Variants in DIAPH2 observed in about 807,000 individuals in gnomAD.
DIAPH2 encodes the protein protein diaphanous homolog 2.
DIAPH2 carries 35 observed loss-of-function variants against 92.7 expected under a neutral mutation model. The observed-to-expected ratio is 0.38, with a 90% CI of 0.29 to 0.50. DIAPH2 has a LOEUF of 0.50. DIAPH2 is among the 20% of genes least tolerant of loss of function. The pLI, the probability that DIAPH2 is intolerant of heterozygous loss-of-function variation, is 0.94. For synonymous variants in DIAPH2, 301 were observed against 280.4 expected, an observed-to-expected ratio of 1.07 and a Z score of -0.73; for missense variants, 701 against 819.5, an observed-to-expected ratio of 0.86 and a Z score of 1.77.
intron 26 of DIAPH2, among the ~76,000 whole-genome samples, chrX:97,546,426 C>G (rs2071181837): frequency 8.9e-6 from 1 of 111,746 alleles, no homozygotes; most frequent in Non-Finnish European, 1.9e-5. Context: ...TTTTTCCCCT[C>G]CACTCTTTTT....
intron 26 of DIAPH2, among the ~76,000 whole-genome samples, chrX:97,561,022 G>T (rs1265661209): frequency 1.8e-5 from 2 of 111,817 alleles, no homozygotes; most frequent in Non-Finnish European, 1.9e-5. Flanking sequence ...AAGCATCTGG[G>T]GGGAAGGGGG....
intron 4 of DIAPH2, among the ~76,000 whole-genome samples, chrX:96,873,455 A>G (rs1162080534): frequency 9.1e-6 from 1 of 109,637 alleles, no homozygotes; most frequent in Non-Finnish European, 1.9e-5. Context: ...GATACTTTTG[A>G]AAAAAAATGA....
chrX:97,384,868 A>AAAATAAAT lies in DIAPH2; in HGVS notation c.3145+852_3145+859dup, dbSNP rs545581528. ...GCAACAGAGCGAGACTGTATCTCAAAAAATAAATAAATAAATAAATAAATA... is the reference window on the plus strand; with the variant it reads ...GCAACAGAGCGAGACTGTATCTCAAAAAATAAATAAATAAATAAATAAATAAATAAATA... On this transcript the variant is annotated intron_variant, in intron 25 of 26. Transcript: ENST00000324765. Among the ~76,000 whole-genome samples, 769 of 107,819 alleles carry AAAATAAAT rather than the reference A, an allele frequency of 7.1e-3. 8 individuals are homozygous for AAAATAAAT. The highest frequency in any genetic ancestry group is 0.022 in the African/African-American group (658 of 29,527). The allele number at this position is 107,819 out of a possible 115,157, so 93.6% of individuals were successfully genotyped here. A position where few individuals can be genotyped will look rare whatever the true frequency, so the allele number is the denominator to read the frequency against.
chrX:97,077,304 C>A (rs1468921056), intron 19 of DIAPH2, among the ~76,000 whole-genome samples: 2 of 111,846 alleles, frequency 1.8e-5, no homozygotes, highest in Admixed American at 9.5e-5. Flanking sequence ...ACCCCCAATT[C>A]CAGAACATTT....
chrX:96,791,248 A>G (rs170862), intron 4 of DIAPH2, among the ~76,000 whole-genome samples: 46,046 of 110,976 alleles, frequency 0.41, 8,191 homozygotes, highest in African/African-American at 0.7. Flanking sequence ...CATGTTTTTC[A>G]TGCTCACCAT....
intron 22 of DIAPH2, among the ~76,000 whole-genome samples, chrX:97,194,340 GGC>G (rs2067680421): frequency 2.9e-5 from 3 of 104,541 alleles, no homozygotes; most frequent in Non-Finnish European, 5.9e-5. Context: ...GGAGTGCAGT[GGC>G]GTGATCTTGG....
intron 1 of DIAPH2, among the ~76,000 whole-genome samples, chrX:96,730,972 G>A (rs1016992917): frequency 1.8e-5 from 2 of 110,868 alleles, no homozygotes; most frequent in African/African-American, 3.3e-5. Context: ...GTTCTCTGGC[G>A]GGCAGGAGTG....
At chrX:97,273,355 G>A (rs2068406859) in intron 23 of DIAPH2, among the ~76,000 whole-genome samples, 1 of 111,496 alleles carries the variant, frequency 9.0e-6, no homozygotes, top group African/African-American at 3.3e-5. Context: ...CAAAATGATT[G>A]TATCATCTGA....
chrX:96,888,512 C>T (rs948256891), intron 5 of DIAPH2, among the ~76,000 whole-genome samples: 3 of 102,016 alleles, frequency 2.9e-5, no homozygotes, highest in Admixed American at 1.1e-4. Context: ...TATATGTACA[C>T]ACAGATACAT....
At chrX:96,850,161 A>G (rs1193692276) in intron 4 of DIAPH2, among the ~76,000 whole-genome samples, 2 of 111,424 alleles carry the variant, frequency 1.8e-5, no homozygotes, top group East Asian at 5.6e-4. Flanking sequence ...CCAAATCCTA[A>G]TAGTATAGTA....
intron 1 of DIAPH2, among the ~76,000 whole-genome samples, chrX:96,715,794 G>A (rs2063946161): frequency 9.0e-6 from 1 of 111,411 alleles, no homozygotes; most frequent in African/African-American, 3.3e-5. Flanking sequence ...TACCCAGTAT[G>A]TATTTAAACA....
At chrX:97,029,957 A>G (rs942631082) in intron 17 of DIAPH2, among the ~76,000 whole-genome samples, 1 of 110,521 alleles carries the variant, frequency 9.0e-6, no homozygotes, top group Non-Finnish European at 1.9e-5. Context: ...TTTTCTTCCC[A>G]CTAGTTTGTG....
At chrX:97,239,848 C>T (rs1437691526) in intron 22 of DIAPH2, among the ~76,000 whole-genome samples, 2 of 108,677 alleles carry the variant, frequency 1.8e-5, no homozygotes, top group African/African-American at 6.7e-5. Context: ...CTCTCTCTCT[C>T]TCTCTCTCTC....
At chrX:97,208,997 C>T (rs5921609) in intron 22 of DIAPH2, among the ~76,000 whole-genome samples, 2,517 of 110,396 alleles carry the variant, frequency 0.023, 29 homozygotes, top group Middle Eastern at 0.038. Context: ...TGTTGCTACC[C>T]TTACTACATA....
intron 14 of DIAPH2, among the ~76,000 whole-genome samples, chrX:96,946,328 A>T (rs904038546): frequency 2.7e-5 from 3 of 111,427 alleles, no homozygotes; most frequent in Non-Finnish European, 5.7e-5. Flanking sequence ...TTAGTATAGT[A>T]TTTCTGTCCT....
At chrX:97,391,906 A>T (rs2069663448) in intron 25 of DIAPH2, among the ~76,000 whole-genome samples, 2 of 111,740 alleles carry the variant, frequency 1.8e-5, no homozygotes, top group African/African-American at 6.5e-5. Flanking sequence ...CCAGAGAATT[A>T]TATCTTTCAA....
chrX:97,005,478 G>A (rs1280163051), intron 17 of DIAPH2, among the ~76,000 whole-genome samples: 2 of 111,010 alleles, frequency 1.8e-5, no homozygotes, highest in Non-Finnish European at 3.8e-5. Context: ...TTGTTTATTG[G>A]TCTGTTCAGG....
chrX:97,330,484 C>T (rs1335484477), intron 23 of DIAPH2, among the ~76,000 whole-genome samples: 2 of 109,750 alleles, frequency 1.8e-5, no homozygotes, highest in Non-Finnish European at 3.8e-5. Flanking sequence ...TCATCCATGT[C>T]GTAACATATG....
At chrX:97,309,327 C>G (rs980816903) in intron 23 of DIAPH2, among the ~76,000 whole-genome samples, 5 of 110,378 alleles carry the variant, frequency 4.5e-5, no homozygotes, top group African/African-American at 1.6e-4. Context: ...TCTCGAACTC[C>G]TGGCCTCAGG....
Sources: allele counts gnomAD v4.1 joint callset (sites outside exome capture counted in the v4.1 genomes callset), GRCh38; gene constraint gnomAD v4.1.1; transcripts MANE v1.5; gene names NCBI Gene and HGNC (gene_info 2026-07-23, HGNC 2026-07-21).